The following CEP85L variants were observed in gnomAD, a reference collection of about 807,000 sequenced individuals.
CEP85L encodes centrosomal protein of 85 kDa-like.
Under a neutral mutation model 100.3 loss-of-function variants are expected in CEP85L, and 60 were observed. That is an observed-to-expected ratio of 0.60 (90% confidence interval 0.49 to 0.74). The LOEUF is 0.74. Ranked by LOEUF, CEP85L falls within the 30% of genes least tolerant of loss-of-function variation. The pLI is 0.00. For synonymous variants in CEP85L, 319 were observed against 322.7 expected (o/e 0.99, Z 0.12); for missense variants, 973 against 936.2 (o/e 1.04, Z -0.51).
upstream of CEP85L, among the ~76,000 whole-genome samples, chr6:118,657,497 G>A (rs1404665278): frequency 1.3e-5 from 2 of 152,186 alleles, no homozygotes; most frequent in Non-Finnish European, 2.9e-5. Flanking sequence ...GCACATGCCT[G>A]TAGTCTCTGC....
chr6:118,518,898 T>G (rs1464644293), intron 4 of CEP85L, among the ~76,000 whole-genome samples: 2 of 152,212 alleles, frequency 1.3e-5, no homozygotes, highest in Non-Finnish European at 2.9e-5. Context: ...AAACACTGCT[T>G]TAAATGTGTC....
At chr6:118,465,754 T>C (rs968471839) in intron 12 of CEP85L, among the ~76,000 whole-genome samples, 186 bp from the exon 13 acceptor site, 1 of 152,166 alleles carries the variant, frequency 6.6e-6, no homozygotes, top group African/African-American at 2.4e-5. Context: ...TGGTCCTTTA[T>C]AAATTTCACA....
chr6:118,618,490 G>A (rs1773220939), intron 2 of CEP85L, among the ~76,000 whole-genome samples: 1 of 152,166 alleles, frequency 6.6e-6, no homozygotes, highest in Non-Finnish European at 1.5e-5. Context: ...GAGGCCCTAG[G>A]ACATTTTCTT....
rs1775551986 is a variant in CEP85L, at chr6:118,651,407, G to A, written c.-138C>T. 3.0e-6 allele frequency: 4 copies of A among 1,351,694 alleles called. No homozygotes were observed. Among genetic ancestry groups the A allele is most frequent in the Non-Finnish European group, 3.8e-6 (4 of 1,055,586 alleles). 83.7% of individuals were successfully genotyped at this position (1,351,694 alleles called of 1,614,324 possible). ...AGGAAAGGCGGGATGGCTGGTTAACGGCTGCTCAGCTACGGGCGGGGAGCG... is the reference window on the plus strand; with the variant it reads ...AGGAAAGGCGGGATGGCTGGTTAACAGCTGCTCAGCTACGGGCGGGGAGCG... On this transcript the variant is annotated 5_prime_UTR_variant, in exon 1 of 13. Coordinates refer to ENST00000368491, the MANE Select transcript of CEP85L (RefSeq NM_001042475.3).
At chr6:118,709,765 C>A (rs1388265325) in intron 1 of CEP85L, among the ~76,000 whole-genome samples, 1 of 152,096 alleles carries the variant, frequency 6.6e-6, no homozygotes, top group East Asian at 1.9e-4. Flanking sequence ...AGACCATTTG[C>A]CATCTGTTCC....
At chr6:118,591,909 A>T (rs969773690) in intron 2 of CEP85L, among the ~76,000 whole-genome samples, 15 of 152,234 alleles carry the variant, frequency 9.9e-5, no homozygotes, top group African/African-American at 3.4e-4. Context: ...CAATAACATA[A>T]ATTAACGAGA....
intron 10 of CEP85L, among the ~76,000 whole-genome samples, chr6:118,475,248 G>A (rs150500913): frequency 6.6e-6 from 1 of 151,106 alleles, no homozygotes; most frequent in African/African-American, 2.4e-5. Context: ...TGATAAAAAT[G>A]TTCTAAAATT....
At chr6:118,611,065 A>ACCTT (rs1007072741) in intron 2 of CEP85L, among the ~76,000 whole-genome samples, 9 of 152,168 alleles carry the variant, frequency 5.9e-5, no homozygotes, top group African/African-American at 1.9e-4. Flanking sequence ...AAAAAAAGAA[A>ACCTT]CCTTGGAACA....
At chr6:118,636,939 T>C (rs1774529153) in intron 1 of CEP85L, among the ~76,000 whole-genome samples, 1 of 152,228 alleles carries the variant, frequency 6.6e-6, no homozygotes, top group African/African-American at 2.4e-5. Flanking sequence ...GCTCTGTTTC[T>C]CTGGAGAACT....
At chr6:118,533,100 C>A (rs560010633) in intron 3 of CEP85L, among the ~76,000 whole-genome samples, 2 of 151,762 alleles carry the variant, frequency 1.3e-5, no homozygotes, top group East Asian at 3.9e-4. Context: ...GAATATAAGC[C>A]CAAAGCAAGC....
chr6:118,531,892 T>C (rs1375223074), intron 3 of CEP85L, among the ~76,000 whole-genome samples: 1 of 152,118 alleles, frequency 6.6e-6, no homozygotes, highest in African/African-American at 2.4e-5. Flanking sequence ...AGGGAACACT[T>C]ATACAGTGTT....
chr6:118,480,725 A>G (rs1773717226), intron 8 of CEP85L, among the ~76,000 whole-genome samples: 1 of 152,166 alleles, frequency 6.6e-6, no homozygotes. Context: ...ATCTTTTCAG[A>G]AATGGCAAAT....
At chr6:118,564,735 T>C (rs543632302) in intron 3 of CEP85L, among the ~76,000 whole-genome samples, 3 of 152,320 alleles carry the variant, frequency 2.0e-5, no homozygotes, top group African/African-American at 4.8e-5. Flanking sequence ...AAATTTGCAA[T>C]TTTTTATAGA....
At chr6:118,514,487 T>G (rs1776147604) in intron 4 of CEP85L, among the ~76,000 whole-genome samples, 1 of 143,596 alleles carries the variant, frequency 7.0e-6, no homozygotes, top group Admixed American at 7.2e-5. Flanking sequence ...ATCGTGCCAT[T>G]GCACTTCAGC....
intron 1 of CEP85L, among the ~76,000 whole-genome samples, chr6:118,673,008 G>A (rs879057464): frequency 6.6e-6 from 1 of 152,160 alleles, no homozygotes; most frequent in Admixed American, 6.5e-5. Context: ...GAAGAAAGAT[G>A]AGGGAGGCAA....
rs977294646 is a variant in CEP85L, at chr6:118,524,503, G to A, written c.1021-583C>T. Reference sequence around the variant, plus strand: ...CTTATTCCCATTACCTTGTGGAAGTGGAAGTGGAAGTTTTCTGGAAATGAG... The same window carrying A: ...CTTATTCCCATTACCTTGTGGAAGTAGAAGTGGAAGTTTTCTGGAAATGAG... On this transcript the variant is annotated intron_variant, in intron 3 of 12. Transcript: ENST00000368491. 2.0e-5 allele frequency among the ~76,000 whole-genome samples: 3 copies of A among 152,242 alleles called. 1 individual carries two copies. Among genetic ancestry groups the A allele is most frequent in the Admixed American group, 2.0e-4 (3 of 15,284 alleles).
chr6:118,512,375 A>T (rs1163081365), intron 4 of CEP85L, among the ~76,000 whole-genome samples: 1 of 152,172 alleles, frequency 6.6e-6, no homozygotes, highest in African/African-American at 2.4e-5. Context: ...ACCAAAAAAA[A>T]TATTACAGGG....
intron 4 of CEP85L, among the ~76,000 whole-genome samples, chr6:118,517,109 T>G (rs1427953894): frequency 6.6e-6 from 1 of 152,222 alleles, no homozygotes; most frequent in Non-Finnish European, 1.5e-5. Context: ...CGTCTATCTG[T>G]CTTCGTACAA....
At chr6:118,695,487 T>C (rs966009661) in intron 1 of CEP85L, among the ~76,000 whole-genome samples, 4 of 152,208 alleles carry the variant, frequency 2.6e-5, no homozygotes, top group Non-Finnish European at 5.9e-5. Context: ...AAACATCAGT[T>C]GCTGTGCCCA....
Sources: allele counts gnomAD v4.1 joint callset (sites outside exome capture counted in the v4.1 genomes callset), GRCh38; gene constraint gnomAD v4.1.1; transcripts MANE v1.5; gene names NCBI Gene and HGNC (gene_info 2026-07-23, HGNC 2026-07-21).